The following EBF2 variants were observed in gnomAD, a reference collection of about 807,000 sequenced individuals.
EBF2 encodes transcription factor COE2.
EBF2 carries 21 observed loss-of-function variants against 72.8 expected under a neutral mutation model. The ratio of observed to expected loss-of-function variants is 0.29; its 90% CI spans 0.20 to 0.42. EBF2 has a LOEUF of 0.42. Ranked by LOEUF, EBF2 falls within the 10% of genes least tolerant of loss-of-function variation. The pLI is 1.00. For synonymous variants in EBF2, 299 were observed against 274.2 expected, an observed-to-expected ratio of 1.09 and a Z score of -0.89; for missense variants, 637 against 731.2, an observed-to-expected ratio of 0.87 and a Z score of 1.49.
At chr8:25,881,660 G>A (rs2117284335) in intron 10 of EBF2, among the ~76,000 whole-genome samples, 1 of 152,326 alleles carries the variant, frequency 6.6e-6, no homozygotes, top group East Asian at 1.9e-4. Flanking sequence ...TGTGCCCATG[G>A]ACCTAAGTTA....
chr8:25,918,909 T>C (rs1207639972), intron 6 of EBF2, among the ~76,000 whole-genome samples: 1 of 152,214 alleles, frequency 6.6e-6, no homozygotes, highest in Non-Finnish European at 1.5e-5. Flanking sequence ...TTAGGAGAGA[T>C]AATGATATTA....
At chr8:25,980,401 T>C (rs1331596067) in intron 6 of EBF2, among the ~76,000 whole-genome samples, 1 of 151,598 alleles carries the variant, frequency 6.6e-6, no homozygotes, top group East Asian at 1.9e-4. Context: ...AGTCCAGACA[T>C]TGCAACAATG....
intron 6 of EBF2, among the ~76,000 whole-genome samples, chr8:25,983,494 C>G (rs1355236660): frequency 6.6e-6 from 1 of 152,178 alleles, no homozygotes; most frequent in African/African-American, 2.4e-5. Flanking sequence ...CCAGGCTCAG[C>G]GCTGCCTCCA....
intron 7 of EBF2, among the ~76,000 whole-genome samples, chr8:25,905,709 T>A (rs1434681315): frequency 6.6e-6 from 1 of 152,186 alleles, no homozygotes; most frequent in Admixed American, 6.5e-5. Context: ...ACATGAGATT[T>A]CTTCTTGGGA....
chr8:25,864,159 A>G (rs1164735843), intron 10 of EBF2, among the ~76,000 whole-genome samples: 4 of 152,158 alleles, frequency 2.6e-5, no homozygotes, highest in Non-Finnish European at 5.9e-5. Flanking sequence ...ACCAAAAATT[A>G]TGATTTATAT....
intron 6 of EBF2, among the ~76,000 whole-genome samples, chr8:25,912,077 G>C (rs1227890340): frequency 1.3e-5 from 2 of 152,148 alleles, no homozygotes; most frequent in African/African-American, 4.8e-5. Context: ...AAGGGTACAG[G>C]GGTCACGGAG....
chr8:25,862,764 T>C lies in EBF2; in HGVS notation c.1043A>G (p.Gln348Arg). ...LNEPTIDYGF[Q>R]RLQKVIPRHP... is the part of the protein sequence containing the mutation. ...CCTAGGGATGACCTTCTGCAGTCTC[T>C]GGAAGCCATAGTCTATGGTGGGTTC... Residue 348 changes from glutamine to arginine, a missense_variant, in exon 11 of 16, where the codon CAG (glutamine) becomes CGG (arginine). This residue lies in a region of EBF2 where 204 missense variants were observed against 301.2 expected (regional missense o/e 0.68). Transcript: ENST00000520164. 1 of 1,606,502 alleles carries C rather than the reference T, an allele frequency of 6.2e-7. No homozygotes were observed.
At chr8:25,972,620 C>A (rs1292746585) in intron 6 of EBF2, among the ~76,000 whole-genome samples, 1 of 152,064 alleles carries the variant, frequency 6.6e-6, no homozygotes. Flanking sequence ...ATTTTACAGA[C>A]CAACAAAAGG....
chr8:25,885,422 G>A (rs191420042), intron 10 of EBF2, among the ~76,000 whole-genome samples: 296 of 152,056 alleles, frequency 1.9e-3, no homozygotes, highest in Admixed American at 0.017. Flanking sequence ...CTTAACCCTT[G>A]GTACCCACCA....
intron 6 of EBF2, among the ~76,000 whole-genome samples, chr8:25,949,612 C>A (rs765932855): frequency 6.6e-6 from 1 of 152,044 alleles, no homozygotes; most frequent in South Asian, 2.1e-4. Flanking sequence ...CTAAGAAGGG[C>A]AATAAAAGAA....
In EBF2 at chr8:25,858,411, A is replaced by T. The variant is rs1217207880; in HGVS notation, c.1436T>A (p.Met479Lys). 4 of 1,614,032 alleles carry T rather than the reference A, an allele frequency of 2.5e-6. No individual in the cohort carries two copies. The South Asian group carries it at 4.4e-5, about 18-fold the overall frequency. The change falls in exon 14 of 16, where the codon ATG becomes AAG. Residue 479 changes from methionine (M) to lysine (K), a missense_variant. Around this residue, in one of 3 missense-constraint regions of EBF2, gnomAD observed 259 missense variants for 268.1 expected, o/e 0.97. Coordinates refer to ENST00000520164, the MANE Select transcript of EBF2 (RefSeq NM_022659.4). Reference sequence around the variant, plus strand: ...CATGGGGACATTGCTGTAGCCATTCATACTGTTGCTGGAGGTACTGTAATT... The same window carrying T: ...CATGGGGACATTGCTGTAGCCATTCTTACTGTTGCTGGAGGTACTGTAATT... ...QSNYSTSSNS[M>K]NGYSNVPMAN...
Position 25,843,550 on chromosome 8 carries a change from CTGCTAGAAGGTGAGGTGCTTCT to C in EBF2, c.*1037_*1058del, listed in dbSNP as rs1801773275. On this transcript the variant is annotated 3_prime_UTR_variant, in exon 16 of 16. Transcript: ENST00000520164. ...GTTAAGAAAGTCTGTGGTTTTGGCTCTGCTAGAAGGTGAGGTGCTTCTTTCCTTGGGATGCTGAAAGCCTGAG... is the reference window on the plus strand; with the variant it reads ...GTTAAGAAAGTCTGTGGTTTTGGCTCTTCCTTGGGATGCTGAAAGCCTGAG... 6.6e-6 allele frequency: 1 copy of C among 152,270 alleles called. No homozygotes were observed. Among genetic ancestry groups the C allele is most frequent in the African/African-American group, 2.4e-5 (1 of 41,440 alleles). The allele number at this position is 152,270 out of a possible 1,614,324, so 9.4% of individuals were successfully genotyped here.
intron 10 of EBF2, among the ~76,000 whole-genome samples, chr8:25,863,058 A>C (rs1802238605): frequency 7.2e-6 from 1 of 138,412 alleles, no homozygotes; most frequent in African/African-American, 2.7e-5. Context: ...CTCTGCTATC[A>C]AATAAAAAAT....
intron 6 of EBF2, among the ~76,000 whole-genome samples, chr8:25,963,780 A>G (rs1804073002): frequency 6.6e-6 from 1 of 152,220 alleles, no homozygotes; most frequent in South Asian, 2.1e-4. Flanking sequence ...GTAAGAGTTC[A>G]ATTGAATGGA....
chr8:25,910,356 T>C (rs1230556125), intron 6 of EBF2, among the ~76,000 whole-genome samples: 1 of 152,140 alleles, frequency 6.6e-6, no homozygotes, highest in East Asian at 1.9e-4. Context: ...ACACTGGCCC[T>C]CAACCACTCC....
At position 25,887,980 on chromosome 8, in the gene EBF2, G is replaced by A. The variant is rs767685113; in HGVS notation, c.752-8C>T. On this transcript the variant is annotated splice_polypyrimidine_tract_variant and splice_region_variant and intron_variant, in intron 8 of 15. Coordinates refer to ENST00000520164, the MANE Select transcript of EBF2 (RefSeq NM_022659.4). ...CTTTGATGCAGGGGGTAGCTAAGAA[G>A]ACAGGAAAGAAAAAGTCAGGTTTGT... 3.8e-6 allele frequency: 6 copies of A among 1,598,338 alleles called. No homozygotes were observed. Among genetic ancestry groups the A allele is most frequent in the South Asian group, 3.4e-5 (3 of 88,466 alleles).
intron 6 of EBF2, among the ~76,000 whole-genome samples, chr8:25,965,939 G>A (rs17054698): frequency 0.13 from 20,181 of 152,242 alleles, 1,472 homozygotes; most frequent in African/African-American, 0.19. Context: ...TCCTGCCCTC[G>A]GTTATCCTGA....
In EBF2 at chr8:25,843,457, G is replaced by C. The variant is rs1294867966; in HGVS notation, c.*1152C>G. ...CTATGGGGCTGTGTACCTCTGTACT[G>C]AACCAGGCACCCAAAGCGGAGGGAG... is the stretch of plus-strand genomic sequence containing the variant. On this transcript the variant is annotated 3_prime_UTR_variant, in exon 16 of 16. Transcript: ENST00000520164. 1 of 152,232 alleles carries C rather than the reference G, an allele frequency of 6.6e-6. No individual in the cohort carries two copies. The highest frequency in any genetic ancestry group is 1.5e-5 in the Non-Finnish European group (1 of 68,090). The allele number at this position is 152,232 out of a possible 1,614,324, so 9.4% of individuals were successfully genotyped here. A position where few individuals can be genotyped will look rare whatever the true frequency, so the allele number is the denominator to read the frequency against.
intron 7 of EBF2, among the ~76,000 whole-genome samples, chr8:25,895,998 T>C (rs1802858903): frequency 2.0e-5 from 3 of 152,042 alleles, no homozygotes; most frequent in South Asian, 2.1e-4. Flanking sequence ...TATGATTTAG[T>C]TGAATTACAT....
Sources: gnomAD v4.1 joint callset for allele counts (sites outside exome capture counted in the v4.1 genomes callset) on GRCh38, gnomAD v4.1.1 for gene constraint, gnomAD v4.1.1 regional missense constraint, MANE v1.5 for transcripts, NCBI Gene and HGNC (gene_info 2026-07-23, HGNC 2026-07-21) for gene names.